RYR1: variants seen among roughly 807,000 people sequenced by gnomAD.
RYR1 encodes central core disease of muscle.
In RYR1, 342 loss-of-function variants were observed where a neutral mutation model predicts 583.5. The observed-to-expected ratio is 0.59, with a 90% CI of 0.54 to 0.64. The LOEUF (loss-of-function observed/expected upper bound fraction) is 0.64, where lower values mean the gene tolerates loss of function less well. Ranked by LOEUF, RYR1 falls within the 30% of genes least tolerant of loss-of-function variation. RYR1 has a pLI of 0.00. For missense variants in RYR1, 6,032 were observed against 6,917.2 expected, an observed-to-expected ratio of 0.87 and a Z score of 4.54; for synonymous variants, 2,791 against 2,822.5, an observed-to-expected ratio of 0.99 and a Z score of 0.35.
chr19:38,491,628 C>T (rs1198231637), intron 37 of RYR1, among the ~76,000 whole-genome samples: 1 of 151,908 alleles, frequency 6.6e-6, no homozygotes, highest in Non-Finnish European at 1.5e-5. Flanking sequence ...CGGGGTTTTG[C>T]CATATTGCCC....
At chr19:38,446,628 G>A (rs933686684) in intron 8 of RYR1, 63 bp downstream of exon 8, 8 of 1,595,692 alleles carry the variant, frequency 5.0e-6, no homozygotes, top group Non-Finnish European at 6.0e-6. Flanking sequence ...GGGACCCTAT[G>A]AGTAGGATTA....
At position 38,500,867 on chromosome 19, in the gene RYR1, C is replaced by G; in HGVS notation, c.7491C>G (p.Asp2497Glu). Residue 2497 changes from aspartate (D) to glutamate (E), a missense_variant, in exon 47 of 106, where the codon GAC becomes GAG. Around this residue, in one of 11 missense-constraint regions of RYR1, gnomAD observed 2,627 missense variants for 2,961.3 expected, o/e 0.89. Transcript: ENST00000359596. This position sits in a 1 kb window ranked among gnomAD's most constrained non-coding sequence, Gnocchi z 5.9. Reference protein sequence around the residue: ...QPKMSASFVPDHKASMVLFLD... With the variant: ...QPKMSASFVPEHKASMVLFLD... ...AGATGTCAGCATCCTTCGTGCCGGA[C>G]CACAAGGCGTCCATGGTGCTCTTCC... 6.2e-7 allele frequency: 1 copy of G among 1,614,072 alleles called. No homozygotes were observed. Among genetic ancestry groups the G allele is most frequent in the Non-Finnish European group, 8.5e-7 (1 of 1,180,010 alleles).
chr19:38,512,149 T>TG lies in RYR1; in HGVS notation c.9233+19dup. The stretch of plus-strand genomic sequence containing the variant: ...GGATGCCAGGTAGGGCCATAGGCAG[T>TG]GGCGCCCACTCCCACCATCATCGGG... On this transcript the variant is annotated intron_variant, in intron 62 of 105. Coordinates refer to ENST00000359596, the MANE Select transcript of RYR1 (RefSeq NM_000540.3). This position sits in a 1 kb window ranked among gnomAD's most constrained non-coding sequence, Gnocchi z 5.1. 6.2e-7 allele frequency: 1 copy of TG among 1,614,122 alleles called. No individual in the cohort carries two copies. Among genetic ancestry groups the TG allele is most frequent in the Non-Finnish European group, 8.5e-7 (1 of 1,180,006 alleles).
intron 19 of RYR1, 44 bp from the exon 20 acceptor site, chr19:38,460,331 C>A (rs769105993): frequency 1.9e-6 from 3 of 1,562,114 alleles, no homozygotes; most frequent in South Asian, 1.1e-5. Flanking sequence ...AGACTGTCCC[C>A]CATAACCTCC....
At chr19:38,442,814 C>T (rs78161631) in intron 3 of RYR1, among the ~76,000 whole-genome samples, 16,559 of 152,152 alleles carry the variant, frequency 0.11, 1,270 homozygotes, top group East Asian at 0.31. Flanking sequence ...CCCCTGTCCC[C>T]GACGCCTGCT....
chr19:38,535,580 G>C, intron 81 of RYR1, 188 bp downstream of exon 81: 1 of 659,252 alleles, frequency 1.5e-6, no homozygotes, highest in South Asian at 1.7e-5. Context: ...AAATGTCATA[G>C]ACTTGAAGAA....
intron 34 of RYR1, among the ~76,000 whole-genome samples, 174 bp downstream of exon 34, chr19:38,486,376 C>G (rs556464908): frequency 6.6e-6 from 1 of 152,280 alleles, no homozygotes; most frequent in Non-Finnish European, 1.5e-5. Flanking sequence ...GACGGAGTCT[C>G]ACTGTCGCCC....
In RYR1 at chr19:38,448,692, G is replaced by T. The variant is rs587784371; in HGVS notation, c.1001G>T (p.Gly334Val). ...VAPKRDVEGM[G>V]PPEIKYGESL... Reference sequence around the variant, plus strand: ...CCCAAGCGGGATGTGGAGGGCATGGGCCCCCCTGAGATCAAGTACGGGGAG... The same window carrying T: ...CCCAAGCGGGATGTGGAGGGCATGGTCCCCCCTGAGATCAAGTACGGGGAG... Residue 334 changes from glycine to valine, a missense_variant, in exon 11 of 106, where the codon GGC becomes GTC. By Grantham distance (109) the Gly-to-Val change is moderately radical. Coordinates refer to ENST00000359596, the MANE Select transcript of RYR1 (RefSeq NM_000540.3). The T allele has an allele frequency of 3.1e-6, 5 of 1,614,212 alleles. No homozygotes were observed. The East Asian group carries it at 1.1e-4, about 36-fold the overall frequency.
intron 64 of RYR1, among the ~76,000 whole-genome samples, chr19:38,515,663 G>T (rs1970934759): frequency 6.6e-6 from 1 of 152,164 alleles, no homozygotes; most frequent in Non-Finnish European, 1.5e-5. Context: ...GCCTGGTGTG[G>T]TGTGGTGTAG....
intron 65 of RYR1, among the ~76,000 whole-genome samples, chr19:38,516,445 G>A (rs1301896787): frequency 5.3e-5 from 8 of 152,184 alleles, no homozygotes; most frequent in Non-Finnish European, 1.2e-4. Context: ...TTTGAAAACA[G>A]AATCTATTGA....
chr19:38,537,095 C>T (rs1040389102), intron 83 of RYR1: 8 of 470,762 alleles, frequency 1.7e-5, no homozygotes, highest in Non-Finnish European at 2.7e-5. Flanking sequence ...GACCCAGATT[C>T]GCAGTCCCGG....
Position 38,442,427 on chromosome 19 carries a change from G to C in RYR1, c.244G>C (p.Ala82Pro), listed in dbSNP as rs755473624. The change falls in exon 3 of 106, where the codon GCT (alanine) becomes CCT (proline). Residue 82 changes from alanine (A) to proline (P), a missense_variant. By Grantham distance (27) the Ala-to-Pro change is conservative. Around this residue, in one of 11 missense-constraint regions of RYR1, gnomAD observed 338 missense variants for 441.6 expected, o/e 0.77. Coordinates refer to ENST00000359596, the MANE Select transcript of RYR1 (RefSeq NM_000540.3). Reference protein sequence around the residue: ...LSVRALQEMLANTVEAGVESS... With the variant: ...LSVRALQEMLPNTVEAGVESS... ...TGTGCGAGCCCTGCAGGAGATGCTG[G>C]CTAACACGGTGGAGGCTGGCGTGGA... 1 of 1,613,648 alleles carries C rather than the reference G, an allele frequency of 6.2e-7. No homozygotes were observed. The highest frequency in any genetic ancestry group is 8.5e-7 in the Non-Finnish European group (1 of 1,179,748).
At chr19:38,504,665 G>A in intron 50 of RYR1, 83 bp from the exon 51 acceptor site, 6 of 1,565,748 alleles carry the variant, frequency 3.8e-6, no homozygotes, top group Non-Finnish European at 5.3e-6. Flanking sequence ...GAGGGCTGAT[G>A]ATTGCAGTGT....
In RYR1 at chr19:38,444,306, G is replaced by T; in HGVS notation, c.537+45G>T. 7.0e-7 allele frequency: 1 copy of T among 1,437,144 alleles called. No homozygotes were observed. The highest frequency in any genetic ancestry group is 2.3e-5 in the East Asian group (1 of 43,302). The allele number at this position is 1,437,144 out of a possible 1,614,324, so 89.0% of individuals were successfully genotyped here. A position where few individuals can be genotyped will look rare whatever the true frequency, so the allele number is the denominator to read the frequency against. On this transcript the variant is annotated intron_variant, in intron 6 of 105. Transcript: ENST00000359596. The surrounding 1 kb of genome is among the most constrained non-coding windows in gnomAD (Gnocchi z 5.1). Reference sequence around the variant, plus strand: ...CCTGCTCCCAGGTCTGGGGGCGCATGGGATGGTCCCCATCTTCTCACCATG... The same window carrying T: ...CCTGCTCCCAGGTCTGGGGGCGCATTGGATGGTCCCCATCTTCTCACCATG...
At chr19:38,493,583 G>A (rs1033742542) in intron 38 of RYR1, among the ~76,000 whole-genome samples, 3 of 150,300 alleles carry the variant, frequency 2.0e-5, no homozygotes, top group Non-Finnish European at 4.4e-5. Context: ...GCAGTGGCGC[G>A]ATCTTGGCTC....
chr19:38,561,105 G>T lies in RYR1; in HGVS notation c.12283-8G>T, dbSNP rs368860191. 2.5e-6 allele frequency: 4 copies of T among 1,606,576 alleles called. No individual in the cohort carries two copies. The highest frequency in any genetic ancestry group is 3.5e-4 in the Middle Eastern group (2 of 5,740). On this transcript the variant is annotated splice_region_variant and splice_polypyrimidine_tract_variant and intron_variant, in intron 89 of 105. Coordinates refer to ENST00000359596, the MANE Select transcript of RYR1 (RefSeq NM_000540.3). This position sits in a 1 kb window ranked among gnomAD's most constrained non-coding sequence, Gnocchi z 4.8. ...GGTCACCCCACTGACCTCCCTGCCC[G>T]CCCCCAGGCCATGGACAGCCAGAAG... is the stretch of plus-strand genomic sequence containing the variant.
At chr19:38,527,949 G>T in intron 73 of RYR1, 165 bp downstream of exon 73, 1 of 748,762 alleles carries the variant, frequency 1.3e-6, no homozygotes, top group Non-Finnish European at 2.1e-6. Context: ...GATCGGGGGA[G>T]GGGTCTGCTG....
At chr19:38,586,883 A>C (rs539394899) in intron 105 of RYR1, among the ~76,000 whole-genome samples, 1 of 152,296 alleles carries the variant, frequency 6.6e-6, no homozygotes, top group East Asian at 1.9e-4. Flanking sequence ...AGGTGGGAGA[A>C]TCGCTTGAAC....
At chr19:38,452,037 C>A in intron 12 of RYR1, 152 bp downstream of exon 12, 1 of 1,146,364 alleles carries the variant, frequency 8.7e-7, no homozygotes, top group Non-Finnish European at 1.3e-6. Context: ...ACCTGTAATC[C>A]CAAGACTTTG....
Sources: gnomAD v4.1 joint callset for allele counts (sites outside exome capture counted in the v4.1 genomes callset) on GRCh38, gnomAD v4.1.1 for gene constraint, gnomAD v4.1.1 regional missense constraint, Gnocchi (gnomAD v3.1) non-coding constraint, MANE v1.5 for transcripts, NCBI Gene and HGNC (gene_info 2026-07-23, HGNC 2026-07-21) for gene names.